CFAP61: variants seen among roughly 807,000 people sequenced by gnomAD.
CFAP61 encodes the protein cilia and flagella associated protein 61.
Under a neutral mutation model 135.6 loss-of-function variants are expected in CFAP61, and 107 were observed. That is an observed-to-expected ratio of 0.79 (90% CI 0.67 to 0.93). CFAP61 has a LOEUF of 0.93. Ranked by LOEUF, CFAP61 falls within the 40% of genes least tolerant of loss-of-function variation. CFAP61 has a pLI of 0.00. For missense variants in CFAP61, 1,507 were observed against 1,556.2 expected (o/e 0.97, Z 0.53); for synonymous variants, 575 against 578.5 (o/e 0.99, Z 0.09).
chr20:20,246,213 C>A lies in CFAP61; in HGVS notation c.2157C>A (p.Ser719Arg), dbSNP rs114266049. ...LDTEQRKFLA[S>R]DHCFNDKDYA... ...CTGAACAAAGGAAATTTTTAGCCAG[C>A]GAGTATGAATTGTATTTGCTTTTTC... The change falls in exon 19 of 27, where the codon AGC becomes AGA. Residue 719 changes from serine to arginine, a missense_variant and splice_region_variant. Coordinates refer to ENST00000245957, the MANE Select transcript of CFAP61 (RefSeq NM_015585.4). 9.1e-4 allele frequency: 1,456 copies of A among 1,601,208 alleles called. 9 individuals carry two copies. The African/African-American group carries it at 0.015, about 17-fold the overall frequency.
chr20:20,343,439 G>A (rs1252949256), intron 26 of CFAP61, among the ~76,000 whole-genome samples: 1 of 152,232 alleles, frequency 6.6e-6, no homozygotes, highest in South Asian at 2.1e-4. Context: ...GCAGCTGAGG[G>A]AAGTGGAGGG....
intron 2 of CFAP61, among the ~76,000 whole-genome samples, chr20:20,067,667 T>TATA (rs2045380566): frequency 7.0e-6 from 1 of 142,012 alleles, no homozygotes; most frequent in East Asian, 2.4e-4. Flanking sequence ...ATATATAATA[T>TATA]ATATATTTAT....
At chr20:20,110,458 A>G (rs989932070) in intron 8 of CFAP61, among the ~76,000 whole-genome samples, 1 of 152,192 alleles carries the variant, frequency 6.6e-6, no homozygotes, top group Non-Finnish European at 1.5e-5. Flanking sequence ...GGAGACAGCA[A>G]CATAGATTAG....
chr20:20,085,136 TG>T, intron 6 of CFAP61: 2 of 985,470 alleles, frequency 2.0e-6, no homozygotes, highest in Non-Finnish European at 2.4e-6. Flanking sequence ...TCATCGCCAC[TG>T]GAACACTGTG....
Position 20,136,604 on chromosome 20 carries a change from ATTTGTTAAG to A in CFAP61, c.860-6249_860-6241del, listed in dbSNP as rs1413957638. ...ATTATTTTTAAAATTATTTCAAATT[ATTTGTTAAG>A]TTTATCTGATAGGATTCGAATTCCT... On this transcript the variant is annotated intron_variant, in intron 8 of 26. Transcript: ENST00000245957. Among the ~76,000 whole-genome samples the A allele has an allele frequency of 1.1e-4, 16 of 152,266 alleles. No homozygotes were observed. In the East Asian group the frequency reaches 2.7e-3, roughly 26 times the overall value.
At chr20:20,079,618 C>T (rs140347857) in intron 6 of CFAP61, among the ~76,000 whole-genome samples, 5 of 152,088 alleles carry the variant, frequency 3.3e-5, no homozygotes, top group Non-Finnish European at 5.9e-5. Flanking sequence ...AGCGGGGCAG[C>T]ATGTCTCTTA....
chr20:20,194,890 T>A (rs2056179559), intron 15 of CFAP61, among the ~76,000 whole-genome samples: 1 of 152,156 alleles, frequency 6.6e-6, no homozygotes, highest in Non-Finnish European at 1.5e-5. Context: ...ATAATTTTTG[T>A]TGTTGTTATT....
chr20:20,310,206 C>T (rs2056739501), intron 25 of CFAP61, among the ~76,000 whole-genome samples: 1 of 152,146 alleles, frequency 6.6e-6, no homozygotes, highest in Admixed American at 6.5e-5. Flanking sequence ...GTTGCCCAGA[C>T]TGGTCTCAAA....
At chr20:20,328,175 G>A (rs1295973917) in intron 25 of CFAP61, among the ~76,000 whole-genome samples, 1 of 152,244 alleles carries the variant, frequency 6.6e-6, no homozygotes, top group Non-Finnish European at 1.5e-5. Flanking sequence ...TGTAGATCAT[G>A]TGGAGGTTTG....
chr20:20,056,536 C>A, intron 1 of CFAP61, 82 bp from the exon 2 acceptor site: 1 of 952,484 alleles, frequency 1.0e-6, no homozygotes, highest in Non-Finnish European at 1.6e-6. Flanking sequence ...ACACCATGTT[C>A]ACTCTGACCA....
In CFAP61 at chr20:20,180,931, C is replaced by A. The variant is rs903493090; in HGVS notation, c.1386-6999C>A. On this transcript the variant is annotated intron_variant, in intron 13 of 26. Coordinates refer to ENST00000245957, the MANE Select transcript of CFAP61 (RefSeq NM_015585.4). ...CAGAAAACCAAATACCACACATTCT[C>A]ACTTATAGGTGGGAGCTAAATTATG... is the stretch of plus-strand genomic sequence containing the variant. Among the ~76,000 whole-genome samples the A allele has an allele frequency of 1.6e-4, 24 of 151,956 alleles. 1 individual carries two copies. The highest frequency in any genetic ancestry group is 1.3e-4 in the Admixed American group (2 of 15,248).
intron 3 of CFAP61, chr20:20,073,878 C>G (rs1025805398): frequency 1.3e-5 from 2 of 159,432 alleles, no homozygotes; most frequent in African/African-American, 4.8e-5. Flanking sequence ...GAGCATCTCT[C>G]CCTCCTGTCA....
chr20:20,213,859 T>C (rs2047844084), intron 17 of CFAP61, among the ~76,000 whole-genome samples: 1 of 152,144 alleles, frequency 6.6e-6, no homozygotes, highest in Non-Finnish European at 1.5e-5. Context: ...TAACTGTTTT[T>C]TCACACCCTT....
At chr20:20,250,900 C>A (rs143612206) in intron 19 of CFAP61, among the ~76,000 whole-genome samples, 11 of 152,350 alleles carry the variant, frequency 7.2e-5, no homozygotes, top group African/African-American at 2.4e-4. Flanking sequence ...AGCCACAGCA[C>A]GCTGAAGCCA....
intron 17 of CFAP61, among the ~76,000 whole-genome samples, chr20:20,227,269 G>A (rs1198753166): frequency 2.6e-5 from 4 of 152,218 alleles, no homozygotes; most frequent in African/African-American, 7.2e-5. Flanking sequence ...CTGATGTAGA[G>A]GATGAAGTTA....
chr20:20,264,170 C>A (rs1333760912), intron 21 of CFAP61, among the ~76,000 whole-genome samples: 1 of 152,088 alleles, frequency 6.6e-6, no homozygotes, highest in Non-Finnish European at 1.5e-5. Flanking sequence ...ATTCAATTTG[C>A]TGATACTATT....
At chr20:20,337,325 G>GATAA (rs2058243613) in intron 25 of CFAP61, among the ~76,000 whole-genome samples, 1 of 130,376 alleles carries the variant, frequency 7.7e-6, no homozygotes, top group African/African-American at 2.9e-5. Flanking sequence ...TGGATGGATG[G>GATAA]ATGGATGGAT....
chr20:20,250,174 T>C (rs1227207169), intron 19 of CFAP61, among the ~76,000 whole-genome samples: 1 of 152,190 alleles, frequency 6.6e-6, no homozygotes, highest in Non-Finnish European at 1.5e-5. Context: ...GGAAGAAATG[T>C]TCCCTCATTA....
intron 26 of CFAP61, among the ~76,000 whole-genome samples, chr20:20,350,298 C>T (rs2058785315): frequency 6.6e-6 from 1 of 152,134 alleles, no homozygotes; most frequent in Non-Finnish European, 1.5e-5. Context: ...CACAGAATTA[C>T]CATATGACTC....
Sources: gnomAD v4.1 joint callset for allele counts (sites outside exome capture counted in the v4.1 genomes callset) on GRCh38, gnomAD v4.1.1 for gene constraint, MANE v1.5 for transcripts, NCBI Gene and HGNC (gene_info 2026-07-23, HGNC 2026-07-21) for gene names.